Variants in CCT4 observed in about 807,000 individuals in gnomAD.
CCT4 encodes T-complex protein 1 subunit delta.
A neutral mutation model predicts 62.5 loss-of-function variants in CCT4; 17 were observed. The ratio of observed to expected loss-of-function variants is 0.27; its 90% CI spans 0.19 to 0.41. The LOEUF (loss-of-function observed/expected upper bound fraction) is 0.41, where lower values mean the gene tolerates loss of function less well. Among genes scored for constraint, CCT4 ranks in the 10% least tolerant of loss-of-function variants. The pLI, the probability that CCT4 is intolerant of heterozygous loss-of-function variation, is 1.00. For missense variants in CCT4, 592 were observed against 659.2 expected (o/e 0.90, Z 1.12); for synonymous variants, 250 against 229.9 (o/e 1.09, Z -0.79).
chr2:61,873,651 A>C (rs938853591), intron 8 of CCT4, among the ~76,000 whole-genome samples: 1 of 151,964 alleles, frequency 6.6e-6, no homozygotes, highest in East Asian at 1.9e-4. Flanking sequence ...CTGCAACCTC[A>C]ACCTCCTGGG....
intron 8 of CCT4, 22 bp from the exon 9 acceptor site, chr2:61,873,315 T>C (rs759166372): frequency 1.5e-6 from 2 of 1,340,748 alleles, no homozygotes; most frequent in South Asian, 2.4e-5. Context: ...AATCAGTGAT[T>C]ATGTCAATGC....
At chr2:61,876,258 A>C in intron 7 of CCT4, 24 bp from the exon 8 acceptor site, 1 of 1,547,448 alleles carries the variant, frequency 6.5e-7, no homozygotes, top group Non-Finnish European at 8.8e-7. Flanking sequence ...GAACATCATA[A>C]TTTGCATTGT....
intron 1 of CCT4, among the ~76,000 whole-genome samples, chr2:61,887,448 G>C (rs772461401): frequency 6.6e-6 from 1 of 152,136 alleles, no homozygotes; most frequent in Non-Finnish European, 1.5e-5. Context: ...CAGGACACCA[G>C]GCCTTTAACA....
At position 61,872,042 on chromosome 2, in the gene CCT4, A is replaced by C. The variant is rs202089088; in HGVS notation, c.1491+40T>G. The C allele has an allele frequency of 2.9e-6, 4 of 1,361,770 alleles. No homozygotes were observed. In the South Asian group the frequency reaches 4.9e-5, roughly 17 times the overall value. 84.4% of individuals were successfully genotyped at this position (1,361,770 alleles called of 1,614,324 possible). A position where few individuals can be genotyped will look rare whatever the true frequency, so the allele number is the denominator to read the frequency against. ...TGACTACAAAGCTTTTAATATTTTA[A>C]ATTAATCAATATTTTCTACATTAGA... On this transcript the variant is annotated intron_variant, in intron 12 of 13. Coordinates refer to ENST00000394440, the MANE Select transcript of CCT4 (RefSeq NM_006430.4).
At chr2:61,878,800 T>C (rs2105133905) in intron 5 of CCT4, 69 bp downstream of exon 5, 3 of 1,055,342 alleles carry the variant, frequency 2.8e-6, no homozygotes, top group Non-Finnish European at 4.2e-6. Context: ...ATGTACCGTA[T>C]AGCATCAAGA....
chr2:61,871,500 C>CA (rs1668882775), intron 12 of CCT4, among the ~76,000 whole-genome samples: 1 of 152,170 alleles, frequency 6.6e-6, no homozygotes, highest in Non-Finnish European at 1.5e-5. Flanking sequence ...ACCAAAAGTG[C>CA]ATCTTCATAA....
At chr2:61,878,717 C>A (rs1669050196) in intron 5 of CCT4, 152 bp downstream of exon 5, 4 of 466,988 alleles carry the variant, frequency 8.6e-6, no homozygotes, top group South Asian at 5.4e-5. Flanking sequence ...GGCTCATTTC[C>A]TCTCTTAATC....
chr2:61,876,325 A>T, intron 7 of CCT4, 91 bp from the exon 8 acceptor site: 2 of 920,040 alleles, frequency 2.2e-6, no homozygotes, highest in South Asian at 4.0e-5. Flanking sequence ...TGTTGTATAA[A>T]TTCAACCAAA....
chr2:61,878,761 TAC>T (rs1669051050), intron 5 of CCT4, 106 bp downstream of exon 5: 1 of 689,194 alleles, frequency 1.5e-6, no homozygotes, highest in Non-Finnish European at 2.4e-6. Flanking sequence ...TTATAACAGT[TAC>T]CTAGCCACTC....
chr2:61,875,912 G>A (rs946994934), intron 8 of CCT4, among the ~76,000 whole-genome samples, 183 bp downstream of exon 8: 8 of 152,160 alleles, frequency 5.3e-5, no homozygotes, highest in African/African-American at 1.9e-4. Flanking sequence ...CAATATTGAG[G>A]CCTAACATTT....
At chr2:61,883,059 TTCA>T (rs1476104921) in intron 3 of CCT4, among the ~76,000 whole-genome samples, 1 of 152,130 alleles carries the variant, frequency 6.6e-6, no homozygotes, top group Non-Finnish European at 1.5e-5. Context: ...ACGAAAAGTG[TTCA>T]TCGTGCTTAA....
intron 13 of CCT4, among the ~76,000 whole-genome samples, chr2:61,869,146 A>G (rs1275308241): frequency 2.6e-4 from 7 of 27,076 alleles, no homozygotes; most frequent in East Asian, 3.2e-3. Flanking sequence ...CGTCTCAGAA[A>G]AAAAAAAAAA....
Position 61,873,116 on chromosome 2 carries a change from G to A in CCT4, c.1015-4C>T, listed in dbSNP as rs772761339. The A allele has an allele frequency of 1.3e-6, 2 of 1,576,882 alleles. No individual in the cohort carries two copies. The highest frequency in any genetic ancestry group is 2.2e-5 in the South Asian group (2 of 90,272). The stretch of plus-strand genomic sequence containing the variant: ...CAACTGGCTTGGTTCCAATTGTCTG[G>A]AAAAAACAGTCAAATCCACAAATTA... On this transcript the variant is annotated splice_region_variant and splice_polypyrimidine_tract_variant and intron_variant, in intron 9 of 13. Coordinates refer to ENST00000394440, the MANE Select transcript of CCT4 (RefSeq NM_006430.4).
chr2:61,883,523 GT>G lies in CCT4; in HGVS notation c.205del (p.Thr69ProfsTer10). 6.3e-7 allele frequency: 1 copy of G among 1,593,068 alleles called. No homozygotes were observed. Among genetic ancestry groups the G allele is most frequent in the Non-Finnish European group, 8.6e-7 (1 of 1,168,230 alleles). ...KMIQDGKGDV[T>X]ITNDGATILK... ...AATGGTAGCACCATCATTTGTAATG[GT>G]TACATCACCTTTTCCATCTTGAATC... On this transcript the variant is annotated frameshift_variant, in exon 3 of 14. Transcript: ENST00000394440. LOFTEE classifies it high-confidence loss of function.
At chr2:61,874,617 A>T (rs1043252825) in intron 8 of CCT4, among the ~76,000 whole-genome samples, 2 of 152,150 alleles carry the variant, frequency 1.3e-5, no homozygotes, top group Non-Finnish European at 1.5e-5. Context: ...TCTCCAAAAA[A>T]AAAAAAAGAA....
chr2:61,872,563 T>A lies in CCT4; in HGVS notation c.1151A>T (p.Lys384Ile). Residue 384 changes from lysine to isoleucine, a missense_variant, in exon 11 of 14, where the codon AAA (lysine) becomes ATA (isoleucine). Around this residue, in one of 3 missense-constraint regions of CCT4, gnomAD observed 522 missense variants for 571.2 expected, o/e 0.91. Transcript: ENST00000394440. ...LKITGCASPGKTVTIVVRGSN... is the reference protein window; with the variant it reads ...LKITGCASPGITVTIVVRGSN... ...ACCACGAACAACAATTGTAACTGTTTTTCCAGGGCTGGCACAGCCTGTAAT... is the reference window on the plus strand; with the variant it reads ...ACCACGAACAACAATTGTAACTGTTATTCCAGGGCTGGCACAGCCTGTAAT... The A allele has an allele frequency of 6.2e-7, 1 of 1,614,158 alleles. No homozygotes were observed. The highest frequency in any genetic ancestry group is 1.3e-5 in the African/African-American group (1 of 75,066).
chr2:61,882,371 T>G (rs1669137042), intron 3 of CCT4, among the ~76,000 whole-genome samples: 1 of 152,238 alleles, frequency 6.6e-6, no homozygotes, highest in Admixed American at 6.5e-5. Context: ...AAATAATTAC[T>G]GTTTCCAGTA....
chr2:61,868,794 C>A (rs1201344823), intron 13 of CCT4, 88 bp from the exon 14 acceptor site: 2 of 956,212 alleles, frequency 2.1e-6, no homozygotes, highest in Non-Finnish European at 3.4e-6. Context: ...AAAAGGAAAA[C>A]CTGTATTAAG....
chr2:61,868,811 T>C, intron 13 of CCT4, 105 bp from the exon 14 acceptor site: 1 of 816,640 alleles, frequency 1.2e-6, no homozygotes, highest in South Asian at 1.4e-5. Flanking sequence ...TAAGAACTGC[T>C]GTCACCTTGA....
Sources: gnomAD v4.1 joint callset for allele counts (sites outside exome capture counted in the v4.1 genomes callset) on GRCh38, gnomAD v4.1.1 for gene constraint, gnomAD v4.1.1 regional missense constraint, MANE v1.5 for transcripts, NCBI Gene and HGNC (gene_info 2026-07-23, HGNC 2026-07-21) for gene names.